The following PRKN variants were observed in gnomAD, a reference collection of about 807,000 sequenced individuals.
PRKN encodes parkin RBR E3 ubiquitin protein ligase, also known as E3 ubiquitin-protein ligase parkin.
In PRKN, 56 loss-of-function variants were observed where a neutral mutation model predicts 59.5. That is an observed-to-expected ratio of 0.94 (90% confidence interval 0.76 to 1.18). The LOEUF is 1.18. Among genes scored for constraint, PRKN ranks in the 50% most tolerant of loss-of-function variants. PRKN has a pLI of 0.00. For missense variants in PRKN, 657 were observed against 596.4 expected (o/e 1.10, Z -1.06); for synonymous variants, 250 against 222.1 (o/e 1.13, Z -1.12).
At chr6:162,566,604 C>G (rs1780091478) in intron 1 of PRKN, among the ~76,000 whole-genome samples, 1 of 152,048 alleles carries the variant, frequency 6.6e-6, no homozygotes, top group Non-Finnish European at 1.5e-5. Flanking sequence ...AAAACCCAAA[C>G]AGACCAATAA....
chr6:162,645,117 T>C (rs73597950), intron 1 of PRKN, among the ~76,000 whole-genome samples: 3,106 of 152,278 alleles, frequency 0.02, 107 homozygotes, highest in African/African-American at 0.069. Context: ...TATTATAACA[T>C]TGTCCATATT....
chr6:161,993,954 G>C (rs955697362), intron 5 of PRKN, among the ~76,000 whole-genome samples: 11 of 152,122 alleles, frequency 7.2e-5, no homozygotes, highest in African/African-American at 2.7e-4. Context: ...CCTTACCTGA[G>C]ACAGGGCATT....
intron 9 of PRKN, among the ~76,000 whole-genome samples, chr6:161,431,406 T>G (rs907659363): frequency 1.3e-5 from 2 of 152,056 alleles, no homozygotes; most frequent in Non-Finnish European, 2.9e-5. Flanking sequence ...TCCTTTTAGA[T>G]GTGGTACACA....
intron 4 of PRKN, among the ~76,000 whole-genome samples, chr6:162,148,254 T>G (rs1308866217): frequency 3.3e-5 from 5 of 152,210 alleles, no homozygotes; most frequent in Non-Finnish European, 5.9e-5. Flanking sequence ...TTATTCTACT[T>G]TAACCAACCA....
intron 4 of PRKN, among the ~76,000 whole-genome samples, chr6:162,124,177 A>G (rs1195584548): frequency 6.6e-6 from 1 of 152,130 alleles, no homozygotes; most frequent in Non-Finnish European, 1.5e-5. Flanking sequence ...CCCATCTGTG[A>G]GCTTTCAGAT....
chr6:161,667,376 C>T (rs983716813), intron 7 of PRKN, among the ~76,000 whole-genome samples: 8 of 152,192 alleles, frequency 5.3e-5, no homozygotes, highest in Admixed American at 5.2e-4. Flanking sequence ...AGAGCATCCC[C>T]TGATGCACAT....
chr6:161,733,153 C>T (rs949958604), intron 7 of PRKN, among the ~76,000 whole-genome samples: 3 of 152,166 alleles, frequency 2.0e-5, no homozygotes, highest in African/African-American at 7.2e-5. Flanking sequence ...AACTTCACCT[C>T]TACTAGCTAC....
At chr6:161,671,905 T>G (rs1389930373) in intron 7 of PRKN, among the ~76,000 whole-genome samples, 1 of 152,186 alleles carries the variant, frequency 6.6e-6, no homozygotes, top group Non-Finnish European at 1.5e-5. Flanking sequence ...TCAGTCAGAT[T>G]TAGTACAGAC....
chr6:161,829,914 G>A (rs1792412655), intron 6 of PRKN, among the ~76,000 whole-genome samples: 1 of 151,358 alleles, frequency 6.6e-6, no homozygotes, highest in Admixed American at 6.6e-5. Flanking sequence ...TATGTAGCAA[G>A]TGAACAAGTT....
chr6:161,805,984 G>T (rs1482750455), intron 6 of PRKN, among the ~76,000 whole-genome samples: 1 of 152,182 alleles, frequency 6.6e-6, no homozygotes, highest in East Asian at 1.9e-4. Flanking sequence ...CCTCATTAGG[G>T]TCGACGAGTT....
intron 1 of PRKN, among the ~76,000 whole-genome samples, chr6:162,583,105 C>T (rs998178928): frequency 6.6e-6 from 1 of 152,140 alleles, no homozygotes; most frequent in Non-Finnish European, 1.5e-5. Context: ...CTCTTTGATC[C>T]CCTCGCTCAG....
intron 3 of PRKN, among the ~76,000 whole-genome samples, chr6:162,251,683 T>C (rs1779442781): frequency 6.6e-6 from 1 of 152,222 alleles, no homozygotes; most frequent in African/African-American, 2.4e-5. Flanking sequence ...ATATTCTTCT[T>C]TATGTATGCA....
intron 3 of PRKN, among the ~76,000 whole-genome samples, chr6:162,234,660 T>A (rs1274267747): frequency 6.6e-6 from 1 of 152,230 alleles, no homozygotes; most frequent in Non-Finnish European, 1.5e-5. Context: ...ATATTTATTT[T>A]AAAATTTGCA....
At chr6:162,362,787 A>G (rs1785210460) in intron 2 of PRKN, among the ~76,000 whole-genome samples, 1 of 152,054 alleles carries the variant, frequency 6.6e-6, no homozygotes, top group Non-Finnish European at 1.5e-5. Context: ...AAAAAACTTT[A>G]TTTCACAAAA....
At chr6:161,787,395 A>G (rs1207651996) in intron 6 of PRKN, among the ~76,000 whole-genome samples, 1 of 152,108 alleles carries the variant, frequency 6.6e-6, no homozygotes, top group East Asian at 1.9e-4. Context: ...AGTCCTTCAT[A>G]ATGCTTTCCT....
At chr6:161,586,022 T>C (rs1312696024) in intron 7 of PRKN, among the ~76,000 whole-genome samples, 1 of 152,060 alleles carries the variant, frequency 6.6e-6, no homozygotes, top group African/African-American at 2.4e-5. Context: ...ATCGCTTCTT[T>C]TTTTAAAAAA....
intron 2 of PRKN, among the ~76,000 whole-genome samples, chr6:162,427,476 T>C (rs1583555788): frequency 6.6e-6 from 1 of 152,180 alleles, no homozygotes; most frequent in Admixed American, 6.5e-5. Context: ...TATTCATTAG[T>C]GAACACAGGT....
intron 6 of PRKN, among the ~76,000 whole-genome samples, chr6:161,826,570 A>G (rs1290324343): frequency 6.6e-6 from 1 of 152,180 alleles, no homozygotes; most frequent in East Asian, 1.9e-4. Context: ...TTTTTCTCCT[A>G]TGGAAGGAGG....
intron 2 of PRKN, among the ~76,000 whole-genome samples, chr6:162,352,059 G>A (rs1276443977): frequency 6.6e-6 from 1 of 152,160 alleles, no homozygotes; most frequent in East Asian, 1.9e-4. Flanking sequence ...AGATACAAAT[G>A]AAAGACAGAC....
Sources: gnomAD v4.1 joint callset for allele counts (sites outside exome capture counted in the v4.1 genomes callset) on GRCh38, gnomAD v4.1.1 for gene constraint, MANE v1.5 for transcripts, NCBI Gene and HGNC (gene_info 2026-07-23, HGNC 2026-07-21) for gene names.